TRABD2B: variants seen among roughly 807,000 people sequenced by gnomAD.
The protein encoded by TRABD2B is TraB domain containing 2B, also known as metalloprotease TIKI2.
TRABD2B carries 14 observed loss-of-function variants against 40.1 expected under a neutral mutation model. That is an observed-to-expected ratio of 0.35 (90% CI 0.23 to 0.55). The LOEUF (loss-of-function observed/expected upper bound fraction) is 0.55, where lower values mean the gene tolerates loss of function less well. TRABD2B is among the 20% of genes least tolerant of loss of function. TRABD2B has a pLI of 0.90. For missense variants in TRABD2B, 541 were observed against 648.6 expected (o/e 0.83, Z 1.80); for synonymous variants, 263 against 277.0 (o/e 0.95, Z 0.50).
At chr1:47,824,719 G>A (rs1034867833) in intron 2 of TRABD2B, among the ~76,000 whole-genome samples, 2 of 152,312 alleles carry the variant, frequency 1.3e-5, no homozygotes, top group South Asian at 4.1e-4. Context: ...GGTGACATTC[G>A]AGGCTCCTGG....
chr1:47,949,771 T>C (rs1323761854), intron 2 of TRABD2B, among the ~76,000 whole-genome samples: 5 of 152,144 alleles, frequency 3.3e-5, no homozygotes, highest in Non-Finnish European at 7.3e-5. Context: ...AGAAACTTTC[T>C]AGAGAAAATA....
intron 2 of TRABD2B, among the ~76,000 whole-genome samples, chr1:47,941,313 C>T (rs1260002751): frequency 2.0e-5 from 3 of 152,212 alleles, no homozygotes; most frequent in Non-Finnish European, 4.4e-5. Flanking sequence ...TCCTGATAAG[C>T]ACACACGTGC....
In TRABD2B at chr1:47,903,391, G is replaced by A. The variant is rs553251531; in HGVS notation, c.666+90643C>T. On this transcript the variant is annotated intron_variant, in intron 2 of 6. Transcript: ENST00000606738. ...CTCCTACTGCCCAGCTGTGCCTCAGGGTCTTGGTGTGAAGATCTCGCTGTG... is the reference window on the plus strand; with the variant it reads ...CTCCTACTGCCCAGCTGTGCCTCAGAGTCTTGGTGTGAAGATCTCGCTGTG... 2.6e-5 allele frequency among the ~76,000 whole-genome samples: 4 copies of A among 152,208 alleles called. No individual in the cohort carries two copies. In the East Asian group the frequency reaches 7.7e-4, roughly 29 times the overall value.
intron 2 of TRABD2B, among the ~76,000 whole-genome samples, chr1:47,829,922 C>T (rs1645226512): frequency 6.6e-6 from 1 of 152,188 alleles, no homozygotes; most frequent in African/African-American, 2.4e-5. Flanking sequence ...TTTTACCTGG[C>T]TATACTGGGC....
At chr1:47,772,026 G>A (rs1644383804) in intron 6 of TRABD2B, among the ~76,000 whole-genome samples, 1 of 151,902 alleles carries the variant, frequency 6.6e-6, no homozygotes, top group African/African-American at 2.4e-5. Flanking sequence ...GTGCTACTGT[G>A]TCAGGACAGG....
chr1:47,899,326 C>T (rs1644567004), intron 2 of TRABD2B, among the ~76,000 whole-genome samples: 2 of 152,210 alleles, frequency 1.3e-5, no homozygotes, highest in East Asian at 1.9e-4. Context: ...CTCATGCACA[C>T]CTGGAGGAGT....
chr1:47,949,210 T>A lies in TRABD2B; in HGVS notation c.666+44824A>T, dbSNP rs528780459. Among the ~76,000 whole-genome samples, 4 of 152,044 alleles carry A rather than the reference T, an allele frequency of 2.6e-5. No individual in the cohort carries two copies. The South Asian group carries it at 8.3e-4, about 32-fold the overall frequency. On this transcript the variant is annotated intron_variant, in intron 2 of 6. Transcript: ENST00000606738. The stretch of plus-strand genomic sequence containing the variant: ...AGCACTTTTAAAATATTAAAGTAAT[T>A]TTTGAGGGTGATATGGCTATTATTA...
chr1:47,852,100 G>A (rs531689492), intron 2 of TRABD2B, among the ~76,000 whole-genome samples: 146 of 152,334 alleles, frequency 9.6e-4, no homozygotes, highest in South Asian at 8.1e-3. Flanking sequence ...GCTAGAAACT[G>A]TCCAAAGAAT....
intron 2 of TRABD2B, among the ~76,000 whole-genome samples, chr1:47,982,467 G>A (rs908376654): frequency 6.6e-6 from 1 of 152,152 alleles, no homozygotes; most frequent in Non-Finnish European, 1.5e-5. Flanking sequence ...CAGCCATCTA[G>A]CCAAAGTGGA....
chr1:47,782,113 C>G (rs1030012311), intron 4 of TRABD2B, among the ~76,000 whole-genome samples: 1 of 152,112 alleles, frequency 6.6e-6, no homozygotes, highest in African/African-American at 2.4e-5. Flanking sequence ...TGCCCAGATG[C>G]ATTTGTCCAG....
intron 4 of TRABD2B, among the ~76,000 whole-genome samples, chr1:47,792,556 G>A (rs1227669408): frequency 1.3e-5 from 2 of 152,218 alleles, no homozygotes; most frequent in African/African-American, 4.8e-5. Flanking sequence ...GGAGATGGGA[G>A]AAGCTGGCGT....
At chr1:47,822,059 A>C (rs1361944010) in intron 2 of TRABD2B, among the ~76,000 whole-genome samples, 1 of 152,078 alleles carries the variant, frequency 6.6e-6, no homozygotes, top group African/African-American at 2.4e-5. Flanking sequence ...TCATACTCTA[A>C]AACACACCAC....
intron 2 of TRABD2B, among the ~76,000 whole-genome samples, chr1:47,924,573 C>T (rs1448198435): frequency 6.6e-6 from 1 of 152,142 alleles, no homozygotes; most frequent in African/African-American, 2.4e-5. Context: ...TGTCTAGTTC[C>T]CACCTTCTCA....
chr1:47,955,777 C>T (rs2148393746), intron 2 of TRABD2B, among the ~76,000 whole-genome samples: 1 of 152,298 alleles, frequency 6.6e-6, no homozygotes, highest in South Asian at 2.1e-4. Flanking sequence ...GGCTTCAGGT[C>T]ACTGCTGACT....
chr1:47,938,751 A>G (rs1304108452), intron 2 of TRABD2B, among the ~76,000 whole-genome samples: 2 of 152,162 alleles, frequency 1.3e-5, no homozygotes, highest in African/African-American at 4.8e-5. Flanking sequence ...AGCACACAAC[A>G]TTTGAGACCT....
chr1:47,949,920 G>A (rs911031674), intron 2 of TRABD2B, among the ~76,000 whole-genome samples: 2 of 152,162 alleles, frequency 1.3e-5, no homozygotes, highest in Non-Finnish European at 2.9e-5. Context: ...ATTCCAGTGG[G>A]AGAGACAAAA....
chr1:47,940,124 T>C (rs925469234), intron 2 of TRABD2B, among the ~76,000 whole-genome samples: 15 of 152,230 alleles, frequency 9.9e-5, no homozygotes, highest in African/African-American at 3.6e-4. Context: ...GACTCTTGCT[T>C]ACACCGTCTG....
intron 2 of TRABD2B, among the ~76,000 whole-genome samples, chr1:47,934,918 G>A (rs1421287121): frequency 6.6e-6 from 1 of 152,218 alleles, no homozygotes; most frequent in African/African-American, 2.4e-5. Flanking sequence ...CAGAGTCCGA[G>A]TTGGAAGCAG....
chr1:47,879,521 C>CA (rs2124619174), intron 2 of TRABD2B, among the ~76,000 whole-genome samples: 1 of 152,296 alleles, frequency 6.6e-6, no homozygotes, highest in South Asian at 2.1e-4. Context: ...TGCAAGTACA[C>CA]TCTATAATGT....
Sources: allele counts gnomAD v4.1 joint callset (sites outside exome capture counted in the v4.1 genomes callset), GRCh38; gene constraint gnomAD v4.1.1; transcripts MANE v1.5; gene names NCBI Gene and HGNC (gene_info 2026-07-23, HGNC 2026-07-21).